The following MYO16 variants were observed in gnomAD, a reference collection of about 807,000 sequenced individuals.
The protein encoded by MYO16 is myosin XVI, also known as unconventional myosin-XVI.
In MYO16, 94 loss-of-function variants were observed where a neutral mutation model predicts 205.3. The ratio of observed to expected loss-of-function variants is 0.46; its 90% CI spans 0.39 to 0.54. MYO16 has a LOEUF of 0.54. Among genes scored for constraint, MYO16 ranks in the 20% least tolerant of loss-of-function variants. MYO16 has a pLI of 0.00. For missense variants in MYO16, 2,315 were observed against 2,387.5 expected (o/e 0.97, Z 0.63); for synonymous variants, 988 against 954.0 (o/e 1.04, Z -0.66).
rs932847539 is a variant in MYO16 at position 108,999,706 on chromosome 13, A to G, written c.2442+7258A>G. The stretch of plus-strand genomic sequence containing the variant: ...CCTCAAAATCTCTGTAAGTTAAGTA[A>G]TATCACCTCTGAGCTTAAATAATTT... On this transcript the variant is annotated intron_variant, in intron 21 of 34. Transcript: ENST00000457511. Among the ~76,000 whole-genome samples, 6 of 152,212 alleles carry G rather than the reference A, an allele frequency of 3.9e-5. No homozygotes were observed. The South Asian group carries it at 1.2e-3, about 31-fold the overall frequency.
At chr13:108,727,026 T>A (rs113351626) in intron 3 of MYO16, among the ~76,000 whole-genome samples, 1,574 of 151,034 alleles carry the variant, frequency 0.01, 24 homozygotes, top group African/African-American at 0.036. Context: ...CATTAAATAG[T>A]TACACTTTAT....
At chr13:108,887,266 C>T (rs1394294895) in intron 13 of MYO16, among the ~76,000 whole-genome samples, 1 of 151,996 alleles carries the variant, frequency 6.6e-6, no homozygotes, top group African/African-American at 2.4e-5. Context: ...TGGAAGCATC[C>T]ATTAACGACT....
chr13:108,646,692 C>T (rs1350794689), intron 1 of MYO16, among the ~76,000 whole-genome samples: 1 of 152,102 alleles, frequency 6.6e-6, no homozygotes, highest in East Asian at 1.9e-4. Context: ...TATATTTAGG[C>T]CATTGTGCTA....
the MYO16 span, among the ~76,000 whole-genome samples, chr13:108,528,206 A>T: frequency 3.9e-5 from 6 of 152,224 alleles, no homozygotes; most frequent in Non-Finnish European, 8.8e-5. Context: ...TGTATTTACC[A>T]TATCCGACAG....
At chr13:108,642,701 A>G (rs1880561621) in intron 1 of MYO16, among the ~76,000 whole-genome samples, 1 of 152,156 alleles carries the variant, frequency 6.6e-6, no homozygotes, top group South Asian at 2.1e-4. Context: ...TACAGGTGTG[A>G]GCCACCGTGC....
chr13:109,046,448 G>A (rs575350409), intron 23 of MYO16, among the ~76,000 whole-genome samples: 4 of 152,250 alleles, frequency 2.6e-5, no homozygotes, highest in African/African-American at 7.2e-5. Flanking sequence ...AGAATTAATT[G>A]TTTCCTATGT....
intron 1 of MYO16, among the ~76,000 whole-genome samples, chr13:108,631,679 G>T (rs543688330): frequency 2.6e-5 from 4 of 152,282 alleles, no homozygotes; most frequent in Admixed American, 1.3e-4. Context: ...GAAATGGTGC[G>T]ATGTGTTAAG....
In MYO16 at chr13:109,031,573, A is replaced by G. The variant is rs552567256; in HGVS notation, c.2796+11662A>G. Among the ~76,000 whole-genome samples the G allele has an allele frequency of 2.6e-5, 4 of 152,280 alleles. No homozygotes were observed. In the South Asian group the frequency reaches 8.3e-4, roughly 32 times the overall value. On this transcript the variant is annotated intron_variant, in intron 23 of 34. Coordinates refer to ENST00000457511, the MANE Select transcript of MYO16 (RefSeq NM_001198950.3). Reference sequence around the variant, plus strand: ...ATTTCTGTCCCCAAGCTTATTTCTCATAGTTGAAGAATAAATTTTGCTTTC... The same window carrying G: ...ATTTCTGTCCCCAAGCTTATTTCTCGTAGTTGAAGAATAAATTTTGCTTTC...
In MYO16 at chr13:109,150,320, C is replaced by T. The variant is rs1047133017; in HGVS notation, c.5164+8944C>T. Reference sequence around the variant, plus strand: ...ATGACTAAATAAAGCCAGGGCTATACTCACAGCCCCTCAATAAATATTTGT... The same window carrying T: ...ATGACTAAATAAAGCCAGGGCTATATTCACAGCCCCTCAATAAATATTTGT... On this transcript the variant is annotated intron_variant, in intron 32 of 34. Transcript: ENST00000457511. Among the ~76,000 whole-genome samples, 18 of 152,258 alleles carry T rather than the reference C, an allele frequency of 1.2e-4. No homozygotes were observed. In the South Asian group the frequency reaches 3.7e-3, roughly 32 times the overall value.
At chr13:109,068,518 T>G (rs1000295742) in intron 27 of MYO16, among the ~76,000 whole-genome samples, 2 of 152,146 alleles carry the variant, frequency 1.3e-5, no homozygotes, top group Non-Finnish European at 2.9e-5. Context: ...TTAAGAATAT[T>G]CTTTCTCTCA....
At chr13:108,659,532 AAC>A (rs1230495148) in intron 1 of MYO16, 1 of 184,772 alleles carries the variant, frequency 5.4e-6, no homozygotes, top group Non-Finnish European at 1.1e-5. Context: ...AAAAAAGTGT[AAC>A]ACTGGAGATA....
chr13:108,857,988 A>G (rs1426227400), intron 11 of MYO16, among the ~76,000 whole-genome samples: 1 of 152,228 alleles, frequency 6.6e-6, no homozygotes, highest in Non-Finnish European at 1.5e-5. Context: ...TCAATCGATT[A>G]GGATCAATTT....
chr13:108,598,318 GAGAC>G (rs61231267), intron 1 of MYO16, among the ~76,000 whole-genome samples: 44,802 of 151,662 alleles, frequency 0.3, 6,808 homozygotes, highest in East Asian at 0.45. Context: ...GAGAGAGAGA[GAGAC>G]AGACAGACAG....
At chr13:108,649,321 C>T (rs192191889) in intron 1 of MYO16, among the ~76,000 whole-genome samples, 183 of 152,304 alleles carry the variant, frequency 1.2e-3, no homozygotes, top group Non-Finnish European at 2.4e-3. Flanking sequence ...CATTGATTGT[C>T]AGTGTCAGAG....
intron 2 of MYO16, among the ~76,000 whole-genome samples, chr13:108,667,792 T>A (rs2139437427): frequency 6.6e-6 from 1 of 152,244 alleles, no homozygotes; most frequent in African/African-American, 2.4e-5. Flanking sequence ...ATACCTATAA[T>A]CCCAACACTT....
At chr13:109,018,963 T>G (rs1056106867) in intron 22 of MYO16, among the ~76,000 whole-genome samples, 14 of 120,086 alleles carry the variant, frequency 1.2e-4, no homozygotes, top group South Asian at 9.4e-4. Flanking sequence ...ACATACTCTG[T>G]TTTTTTTTTT....
chr13:109,015,174 G>A (rs933060193), intron 22 of MYO16, among the ~76,000 whole-genome samples: 2 of 152,118 alleles, frequency 1.3e-5, no homozygotes, highest in East Asian at 3.9e-4. Context: ...AGCATGAAGG[G>A]CTGTTGAATT....
intron 1 of MYO16, among the ~76,000 whole-genome samples, chr13:108,637,640 C>T (rs921516796): frequency 1.3e-5 from 2 of 152,008 alleles, no homozygotes; most frequent in South Asian, 4.2e-4. Context: ...TTTGGGAGGC[C>T]AAGGCGGGCA....
At chr13:108,838,753 TACACACACACACAAATGCACACAC>T (rs1877079352) in intron 9 of MYO16, among the ~76,000 whole-genome samples, 1 of 76,902 alleles carries the variant, frequency 1.3e-5, no homozygotes, top group Non-Finnish European at 2.4e-5. Flanking sequence ...TATATATATA[TACACACACACACAAATGCACACAC>T]ACACACACAC....
Sources: allele counts gnomAD v4.1 joint callset (sites outside exome capture counted in the v4.1 genomes callset), GRCh38; gene constraint gnomAD v4.1.1; transcripts MANE v1.5; gene names NCBI Gene and HGNC (gene_info 2026-07-23, HGNC 2026-07-21).